Variants in TBC1D1 observed in about 807,000 individuals in gnomAD.
The protein encoded by TBC1D1 is TBC1 (tre-2/USP6, BUB2, cdc16) domain family, member 1.
TBC1D1 carries 89 observed loss-of-function variants against 125.6 expected under a neutral mutation model. That is an observed-to-expected ratio of 0.71 (90% CI 0.60 to 0.85). The LOEUF (loss-of-function observed/expected upper bound fraction) is 0.85, where lower values mean the gene tolerates loss of function less well. Ranked by LOEUF, TBC1D1 falls within the 40% of genes least tolerant of loss-of-function variation. The pLI, the probability that TBC1D1 is intolerant of heterozygous loss-of-function variation, is 0.00. For missense variants in TBC1D1, 1,377 were observed against 1,469.2 expected (o/e 0.94, Z 1.03); for synonymous variants, 565 against 564.1 (o/e 1.00, Z -0.02).
chr4:38,116,399 A>G (rs1762989079), intron 16 of TBC1D1, among the ~76,000 whole-genome samples: 1 of 152,168 alleles, frequency 6.6e-6, no homozygotes, highest in Non-Finnish European at 1.5e-5. Context: ...GGAGAAGCTC[A>G]TTCTGACTAC....
intron 2 of TBC1D1, among the ~76,000 whole-genome samples, chr4:37,906,610 T>C (rs953493581): frequency 1.8e-4 from 28 of 152,230 alleles, no homozygotes; most frequent in African/African-American, 6.3e-4. Context: ...AGGATTCATG[T>C]TTCTCTGATA....
At chr4:38,097,673 TCA>T (rs1560784028) in intron 14 of TBC1D1, among the ~76,000 whole-genome samples, 2 of 152,038 alleles carry the variant, frequency 1.3e-5, no homozygotes, top group African/African-American at 2.4e-5. Flanking sequence ...AGACGGGTTT[TCA>T]CTGTGTTGGC....
At chr4:38,046,423 A>G (rs1473733760) in intron 10 of TBC1D1, among the ~76,000 whole-genome samples, 1 of 152,038 alleles carries the variant, frequency 6.6e-6, no homozygotes, top group Non-Finnish European at 1.5e-5. Context: ...AATATTGGGA[A>G]AACATCAGAA....
chr4:38,090,222 G>C, intron 13 of TBC1D1, 105 bp downstream of exon 15: 2 of 1,066,474 alleles, frequency 1.9e-6, no homozygotes, highest in Non-Finnish European at 2.8e-6. Flanking sequence ...CAGCACGATA[G>C]TCTAATGTAT....
chr4:38,086,751 G>A (rs1019420299), intron 12 of TBC1D1, among the ~76,000 whole-genome samples: 3 of 152,186 alleles, frequency 2.0e-5, no homozygotes, highest in Admixed American at 6.5e-5. Context: ...AAGCTGCAGC[G>A]TGGAGCCCTG....
At chr4:38,129,387 G>A (rs374956981) in intron 18 of TBC1D1, among the ~76,000 whole-genome samples, 1 of 152,236 alleles carries the variant, frequency 6.6e-6, no homozygotes, top group Non-Finnish European at 1.5e-5. Flanking sequence ...AGGGTGGGGC[G>A]TGGCGGGGAG....
chr4:38,020,491 A>C, intron 4 of TBC1D1, 100 bp from the exon 5 acceptor site: 3 of 959,650 alleles, frequency 3.1e-6, no homozygotes, highest in Non-Finnish European at 4.8e-6. Flanking sequence ...AAAGATAATA[A>C]AAAGTAAAAT....
Position 38,091,044 on chromosome 4 carries a change from T to C in TBC1D1, c.2236+927T>C, listed in dbSNP as rs1038464496. On this transcript the variant is annotated intron_variant, in intron 13 of 19. Coordinates refer to ENST00000261439, the MANE Select transcript of TBC1D1 (RefSeq NM_015173.4). ...CTGTGAGTTTCAGTTGCATAGCTAGTGTCATAGCGAGTGGATAGACGTTCT... is the reference window on the plus strand; with the variant it reads ...CTGTGAGTTTCAGTTGCATAGCTAGCGTCATAGCGAGTGGATAGACGTTCT... Among the ~76,000 whole-genome samples, 4 of 152,242 alleles carry C rather than the reference T, an allele frequency of 2.6e-5. No homozygotes were observed. The South Asian group carries it at 6.2e-4, about 24-fold the overall frequency.
Position 38,045,910 on chromosome 4 carries a change from A to G in TBC1D1, c.1629+7A>G, listed in dbSNP as rs201652369. Reference sequence around the variant, plus strand: ...ATTAAGTAACACCAGCAAAGTAAGCACATTTCTCTTTATACGACACCCTGA... The same window carrying G: ...ATTAAGTAACACCAGCAAAGTAAGCGCATTTCTCTTTATACGACACCCTGA... On this transcript the variant is annotated splice_region_variant and intron_variant, in intron 10 of 19. Coordinates refer to ENST00000261439, the MANE Select transcript of TBC1D1 (RefSeq NM_015173.4). The G allele has an allele frequency of 1.2e-6, 2 of 1,613,024 alleles. No homozygotes were observed. Among genetic ancestry groups the G allele is most frequent in the East Asian group, 2.2e-5 (1 of 44,870 alleles).
intron 12 of TBC1D1, among the ~76,000 whole-genome samples, chr4:38,057,385 A>C (rs766872173): frequency 3.7e-4 from 57 of 152,112 alleles, no homozygotes; most frequent in Admixed American, 5.2e-4. Context: ...CCTGTAACAC[A>C]TGTTCACAGG....
At position 38,021,675 on chromosome 4, in the gene TBC1D1, C is replaced by T. The variant is rs138581395; in HGVS notation, c.1167C>T (p.Gly389=). ...AGGCGCCAGCCCAGCTGTGTGAGGG[C>T]TGCCCCCTGCAAAGCCTGCACAAGC... The change falls in exon 6 of 20, where the codon GGC becomes GGT. Residue 389 remains glycine, a synonymous_variant. Transcript: ENST00000261439. The T allele has an allele frequency of 3.6e-5, 58 of 1,595,812 alleles. No homozygotes were observed. The African/African-American group carries it at 6.7e-4, about 19-fold the overall frequency.
intron 11 of TBC1D1, chr4:38,052,026 A>G (rs1299588944): frequency 6.4e-7 from 1 of 1,550,904 alleles, no homozygotes; most frequent in African/African-American, 1.4e-5. Context: ...ACATAATTCC[A>G]GTGGAGAACA....
At chr4:37,944,188 C>A (rs1726168187) in intron 2 of TBC1D1, among the ~76,000 whole-genome samples, 2 of 152,324 alleles carry the variant, frequency 1.3e-5, no homozygotes, top group South Asian at 4.1e-4. Flanking sequence ...CTGATCGTTC[C>A]TCTGGAAGCT....
chr4:37,901,426 G>A (rs780108712), intron 1 of TBC1D1, among the ~76,000 whole-genome samples: 6 of 152,084 alleles, frequency 3.9e-5, no homozygotes, highest in Non-Finnish European at 8.8e-5. Context: ...CAAAGTGCTG[G>A]GATTACAGGT....
Position 38,035,701 on chromosome 4 carries a change from A to T in TBC1D1, c.1413+3A>T, listed in dbSNP as rs376797781. The T allele has an allele frequency of 5.6e-6, 9 of 1,604,716 alleles. No homozygotes were observed. The highest frequency in any genetic ancestry group is 7.7e-6 in the Non-Finnish European group (9 of 1,173,066). Reference sequence around the variant, plus strand: ...TCCATATTGGGGAGATGAAGCAGGTATGGCATTTTTGTCTCTTGTAATTGT... The same window carrying T: ...TCCATATTGGGGAGATGAAGCAGGTTTGGCATTTTTGTCTCTTGTAATTGT... On this transcript the variant is annotated splice_donor_region_variant and intron_variant, in intron 8 of 19. Coordinates refer to ENST00000261439, the MANE Select transcript of TBC1D1 (RefSeq NM_015173.4).
chr4:37,922,257 C>A (rs1469664957), intron 2 of TBC1D1, among the ~76,000 whole-genome samples: 1 of 152,180 alleles, frequency 6.6e-6, no homozygotes, highest in Non-Finnish European at 1.5e-5. Flanking sequence ...AGGATGGAGG[C>A]CCAGACATAC....
chr4:37,950,789 G>A (rs1437170150), intron 2 of TBC1D1, among the ~76,000 whole-genome samples: 5 of 144,848 alleles, frequency 3.5e-5, no homozygotes, highest in African/African-American at 7.7e-5. Flanking sequence ...ACGGAGTTTC[G>A]CTCTTGTTGC....
chr4:38,137,087 T>C lies in TBC1D1; in HGVS notation c.3307-48T>C, dbSNP rs1188643277. 3 of 1,610,226 alleles carry C rather than the reference T, an allele frequency of 1.9e-6. No individual in the cohort carries two copies. The South Asian group carries it at 3.3e-5, about 18-fold the overall frequency. The stretch of plus-strand genomic sequence containing the variant: ...CAGCGTGTGGGCACTGGATCCCACC[T>C]GTGTTAGCACTGGCAATTGTATTCT... On this transcript the variant is annotated intron_variant, in intron 19 of 19. Coordinates refer to ENST00000261439, the MANE Select transcript of TBC1D1 (RefSeq NM_015173.4).
intron 2 of TBC1D1, among the ~76,000 whole-genome samples, chr4:37,942,641 C>CCATT: frequency 6.6e-6 from 1 of 152,148 alleles, no homozygotes; most frequent in East Asian, 1.9e-4. Flanking sequence ...CAGGTTCATG[C>CCATT]CATTCTCCTG....
Sources: gnomAD v4.1 joint callset for allele counts (sites outside exome capture counted in the v4.1 genomes callset) on GRCh38, gnomAD v4.1.1 for gene constraint, MANE v1.5 for transcripts, NCBI Gene and HGNC (gene_info 2026-07-23, HGNC 2026-07-21) for gene names.